TRIM14: variants seen among roughly 807,000 people sequenced by gnomAD.
The protein encoded by TRIM14 is tripartite motif containing 14.
A neutral mutation model predicts 44.5 loss-of-function variants in TRIM14; 28 were observed. That is an observed-to-expected ratio of 0.63 (90% CI 0.47 to 0.86). The LOEUF is 0.86. TRIM14 is among the 40% of genes least tolerant of loss of function. TRIM14 has a pLI of 0.00. For synonymous variants in TRIM14, 299 were observed against 269.2 expected (o/e 1.11, Z -1.08); for missense variants, 607 against 611.1 (o/e 0.99, Z 0.07).
the TRIM14 span, among the ~76,000 whole-genome samples, chr9:98,052,632 C>T: frequency 3.4e-4 from 52 of 152,234 alleles, no homozygotes; most frequent in African/African-American, 9.4e-4. Flanking sequence ...CTCAGCTTCC[C>T]GAGTAGCTGG....
chr9:98,088,866 C>T (rs967413036), intron 5 of TRIM14, among the ~76,000 whole-genome samples: 1 of 152,086 alleles, frequency 6.6e-6, no homozygotes, highest in African/African-American at 2.4e-5. Flanking sequence ...TTTAAACTCT[C>T]ATTAACATTT....
the TRIM14 span, among the ~76,000 whole-genome samples, chr9:98,039,699 G>A: frequency 6.4e-4 from 98 of 151,976 alleles, no homozygotes; most frequent in Non-Finnish European, 1.1e-3. Context: ...TTGCAGCCCC[G>A]ACCCAGGAAC....
chr9:98,109,206 C>T lies in TRIM14; in HGVS notation c.303+683G>A, dbSNP rs149911056. The stretch of plus-strand genomic sequence containing the variant: ...GCAGGCCCCAGGAGGGCCTCCCACC[C>T]CAGCCCTCACTGCGAGGAGGGAGCA... On this transcript the variant is annotated intron_variant, in intron 2 of 5. Transcript: ENST00000341469. Among the ~76,000 whole-genome samples the T allele has an allele frequency of 9.9e-5, 15 of 151,984 alleles. No homozygotes were observed. The East Asian group carries it at 2.9e-3, about 29-fold the overall frequency.
At chr9:98,088,916 T>C (rs10984988) in intron 5 of TRIM14, among the ~76,000 whole-genome samples, 1 of 110,466 alleles carries the variant, frequency 9.1e-6, no homozygotes, top group African/African-American at 6.7e-5. Flanking sequence ...TGAAGTTTTT[T>C]TTGTTGTTGT....
chr9:98,070,006 A>G (rs1421616869), intron 6 of TRIM14, among the ~76,000 whole-genome samples: 1 of 152,198 alleles, frequency 6.6e-6, no homozygotes, highest in Non-Finnish European at 1.5e-5. Flanking sequence ...CCATTGGGGG[A>G]AACTGGGGGA....
In TRIM14 at chr9:98,087,229, T is replaced by C. The variant is rs761674991; in HGVS notation, c.*241A>G. Reference sequence around the variant, plus strand: ...TGGATTAAAGTAGTGTAAGTGATGGTGGGGTGAGGGTGCGGAGGTCTGATG... The same window carrying C: ...TGGATTAAAGTAGTGTAAGTGATGGCGGGGTGAGGGTGCGGAGGTCTGATG... On this transcript the variant is annotated 3_prime_UTR_variant, in exon 6 of 6. Coordinates refer to ENST00000341469, the MANE Select transcript of TRIM14 (RefSeq NM_014788.4). The C allele has an allele frequency of 6.4e-6, 5 of 776,544 alleles. No individual in the cohort carries two copies. Among genetic ancestry groups the C allele is most frequent in the African/African-American group, 1.7e-5 (1 of 58,986 alleles). 48.1% of individuals were successfully genotyped at this position (776,544 alleles called of 1,614,324 possible).
chr9:98,102,540 G>A lies in TRIM14; in HGVS notation c.304-2376C>T, dbSNP rs111303288. On this transcript the variant is annotated intron_variant, in intron 2 of 5. Transcript: ENST00000341469. ...GTGCTGATGCATGCTAAACATGGAT[G>A]AACCTCGAAGACATCATCCCCAGTG... is the stretch of plus-strand genomic sequence containing the variant. Among the ~76,000 whole-genome samples, 1,388 of 152,272 alleles carry A rather than the reference G, an allele frequency of 9.1e-3. 18 individuals carry two copies. The highest frequency in any genetic ancestry group is 0.032 in the African/African-American group (1,313 of 41,548).
intron 4 of TRIM14, 76 bp from the exon 5 acceptor site, chr9:98,092,077 C>G: frequency 9.0e-7 from 1 of 1,117,080 alleles, no homozygotes; most frequent in Non-Finnish European, 1.3e-6. Context: ...AAATACCACA[C>G]AACTGGAGAT....
chr9:98,117,695 T>C (rs1827105498), intron 1 of TRIM14, among the ~76,000 whole-genome samples: 1 of 152,208 alleles, frequency 6.6e-6, no homozygotes, highest in Non-Finnish European at 1.5e-5. Flanking sequence ...TCAGAGTGGA[T>C]AGTCACAGAA....
intron 1 of TRIM14, among the ~76,000 whole-genome samples, chr9:98,114,463 A>T (rs1297046224): frequency 6.6e-6 from 1 of 151,984 alleles, no homozygotes; most frequent in Non-Finnish European, 1.5e-5. Flanking sequence ...CCTCCCAAGT[A>T]GCTGGGACTA....
At chr9:98,059,758 C>T in the TRIM14 span, among the ~76,000 whole-genome samples, 10 of 151,800 alleles carry the variant, frequency 6.6e-5, no homozygotes, top group Admixed American at 2.6e-4. Context: ...TCAAACAATC[C>T]GGCTTTTATA....
chr9:98,097,257 G>A (rs1469924249), intron 3 of TRIM14, among the ~76,000 whole-genome samples: 1 of 152,038 alleles, frequency 6.6e-6, no homozygotes, highest in Non-Finnish European at 1.5e-5. Context: ...GAACTCCATG[G>A]CACATAAGGC....
intron 1 of TRIM14, chr9:98,115,982 A>G (rs1177795709): frequency 6.6e-6 from 1 of 151,960 alleles, no homozygotes; most frequent in African/African-American, 2.4e-5. Context: ...CCTGGGCAAC[A>G]TAGTGAGACC....
chr9:98,053,912 G>T, the TRIM14 span, among the ~76,000 whole-genome samples: 1 of 152,184 alleles, frequency 6.6e-6, no homozygotes, highest in Non-Finnish European at 1.5e-5. Flanking sequence ...GCTGCATGGA[G>T]AACCGAATTA....
At chr9:98,074,315 A>C (rs1829483098) in intron 6 of TRIM14, among the ~76,000 whole-genome samples, 1 of 152,140 alleles carries the variant, frequency 6.6e-6, no homozygotes, top group African/African-American at 2.4e-5. Flanking sequence ...GCTATGGGGC[A>C]GGAGGGAGAG....
At chr9:98,080,704 G>T (rs1770773114), downstream of TRIM14, 1 of 1,226,394 alleles carries the variant, frequency 8.2e-7, no homozygotes. Flanking sequence ...CTTGCCCCTG[G>T]CTGCACAGCT....
chr9:98,042,293 G>GA, the TRIM14 span, among the ~76,000 whole-genome samples: 200 of 125,954 alleles, frequency 1.6e-3, 2 homozygotes, highest in East Asian at 2.9e-3. Context: ...ACTCTGTCTG[G>GA]AAAAAAAAAA....
chr9:98,081,080 A>AAGGT (rs767191768), downstream of TRIM14: 2 of 1,614,004 alleles, frequency 1.2e-6, no homozygotes, highest in Non-Finnish European at 8.5e-7. Context: ...CTGCAATGAG[A>AAGGT]AGGTGTGTCC....
chr9:98,109,780 G>T, intron 2 of TRIM14, 109 bp downstream of exon 2: 1 of 838,440 alleles, frequency 1.2e-6, no homozygotes, highest in Non-Finnish European at 2.0e-6. Flanking sequence ...CCCACCATCT[G>T]CCCCTTCGCA....
Sources: gnomAD v4.1 joint callset for allele counts (sites outside exome capture counted in the v4.1 genomes callset) on GRCh38, gnomAD v4.1.1 for gene constraint, MANE v1.5 for transcripts, NCBI Gene and HGNC (gene_info 2026-07-23, HGNC 2026-07-21) for gene names.